The following SBNO1 variants were observed in gnomAD, a reference collection of about 807,000 sequenced individuals.
The protein encoded by SBNO1 is protein strawberry notch homolog 1.
SBNO1 carries 23 observed loss-of-function variants against 173.6 expected under a neutral mutation model. That is an observed-to-expected ratio of 0.13 (90% confidence interval 0.10 to 0.19). The LOEUF (loss-of-function observed/expected upper bound fraction) is 0.19. Among genes scored for constraint, SBNO1 ranks in the 10% least tolerant of loss-of-function variants. The pLI is 1.00. For synonymous variants in SBNO1, 632 were observed against 571.5 expected (o/e 1.11, Z -1.51); for missense variants, 1,238 against 1,671.2 (o/e 0.74, Z 4.52).
chr12:123,364,022 A>T, intron 1 of SBNO1: 1 of 985,446 alleles, frequency 1.0e-6, no homozygotes, highest in Non-Finnish European at 1.2e-6. Flanking sequence ...GCAAATCCCC[A>T]ACTGCCGTTC....
In SBNO1 at chr12:123,295,802, C is replaced by A. The variant is rs914980459; in HGVS notation, c.*106G>T. 23 of 1,464,012 alleles carry A rather than the reference C, an allele frequency of 1.6e-5. No individual in the cohort carries two copies. The highest frequency in any genetic ancestry group is 1.8e-5 in the Non-Finnish European group (20 of 1,086,612). 90.7% of individuals were successfully genotyped at this position (1,464,012 alleles called of 1,614,324 possible). ...TCCCAAAAAAACTAACTAGAGAGCACAACTGAAAAAAATATATAATTCTTT... is the reference window on the plus strand; with the variant it reads ...TCCCAAAAAAACTAACTAGAGAGCAAAACTGAAAAAAATATATAATTCTTT... On this transcript the variant is annotated 3_prime_UTR_variant, in exon 32 of 32. Transcript: ENST00000602398.
At chr12:123,350,908 G>A (rs569123388) in intron 1 of SBNO1, among the ~76,000 whole-genome samples, 18 of 152,278 alleles carry the variant, frequency 1.2e-4, no homozygotes, top group East Asian at 1.2e-3. Context: ...GATCACCTAA[G>A]TTCAGAAGTT....
At chr12:123,314,906 ATTTTT>A (rs760653627) in intron 23 of SBNO1, among the ~76,000 whole-genome samples, 1 of 129,342 alleles carries the variant, frequency 7.7e-6, no homozygotes, top group African/African-American at 2.9e-5. Flanking sequence ...TAATTTTTGT[ATTTTT>A]TTTTTTTTTT....
chr12:123,333,678 C>T (rs1039586368), intron 7 of SBNO1, among the ~76,000 whole-genome samples: 1 of 151,660 alleles, frequency 6.6e-6, no homozygotes, highest in Non-Finnish European at 1.5e-5. Context: ...TTGTATTTTT[C>T]GTAGACATGA....
chr12:123,330,931 G>T (rs1174964826), intron 8 of SBNO1, among the ~76,000 whole-genome samples: 1 of 152,054 alleles, frequency 6.6e-6, no homozygotes, highest in African/African-American at 2.4e-5. Context: ...GATGGGGAAG[G>T]CGGATCCCAT....
In SBNO1 at chr12:123,364,370, C is replaced by T. The variant is rs1023906716; in HGVS notation, c.-1+331G>A. ...AAAGGGGCGAACCCAGCGGAGCCGG[C>T]GTGCACAGACCCTGCCCCGCGGTCC... is the stretch of plus-strand genomic sequence containing the variant. On this transcript the variant is annotated intron_variant, in intron 1 of 31. Coordinates refer to ENST00000602398, the MANE Select transcript of SBNO1 (RefSeq NM_001167856.3). 1.1e-5 allele frequency: 11 copies of T among 985,180 alleles called. No individual in the cohort carries two copies. In the African/African-American group the frequency reaches 1.9e-4, roughly 17 times the overall value. 61.0% of individuals were successfully genotyped at this position (985,180 alleles called of 1,614,324 possible). A position where few individuals can be genotyped will look rare whatever the true frequency, so the allele number is the denominator to read the frequency against.
chr12:123,303,491 C>G (rs974259088), intron 29 of SBNO1, among the ~76,000 whole-genome samples: 1 of 150,948 alleles, frequency 6.6e-6, no homozygotes, highest in East Asian at 1.9e-4. Flanking sequence ...ACTAAACATA[C>G]AAAAAAAAAC....
In SBNO1 at chr12:123,295,939, G is replaced by A. The variant is rs1435623163; in HGVS notation, c.4151C>T (p.Pro1384Leu). ...QQKQLWQQHHPQSITNLSNA is the reference protein window; with the variant it reads ...QQKQLWQQHHLQSITNLSNA Reference sequence around the variant, plus strand: ...GTTGCTCAAGTTGGTGATGCTCTGAGGGTGATGCTGTTGCCATAGCTGTTT... The same window carrying A: ...GTTGCTCAAGTTGGTGATGCTCTGAAGGTGATGCTGTTGCCATAGCTGTTT... The change falls in exon 32 of 32, where the codon CCT becomes CTT. Residue 1384 changes from proline to leucine, a missense_variant. Physicochemically the swap from Pro to Leu is moderately conservative, Grantham distance 98 (BLOSUM62 -3). Transcript: ENST00000602398. 1.9e-6 allele frequency: 3 copies of A among 1,612,054 alleles called. No homozygotes were observed. The highest frequency in any genetic ancestry group is 2.5e-6 in the Non-Finnish European group (3 of 1,178,272).
chr12:123,304,764 C>T, intron 28 of SBNO1, 45 bp from the exon 29 acceptor site: 2 of 1,233,664 alleles, frequency 1.6e-6, no homozygotes, highest in Non-Finnish European at 1.2e-6. Flanking sequence ...ATAATACACA[C>T]TTTAAGACAT....
chr12:123,360,788 C>T (rs929457934), intron 1 of SBNO1, among the ~76,000 whole-genome samples: 1 of 152,092 alleles, frequency 6.6e-6, no homozygotes, highest in African/African-American at 2.4e-5. Context: ...TGCATGCTGC[C>T]CCTTTTTCAA....
intron 19 of SBNO1, 26 bp downstream of exon 19, chr12:123,320,406 T>G: frequency 6.3e-7 from 1 of 1,584,044 alleles, no homozygotes; most frequent in South Asian, 1.2e-5. Flanking sequence ...GGCAAAAATG[T>G]CACCAAGAGA....
At chr12:123,349,098 G>C (rs1365806131) in intron 2 of SBNO1, 3 of 150,630 alleles carry the variant, frequency 2.0e-5, no homozygotes, top group Non-Finnish European at 2.9e-5. Flanking sequence ...ACTCGGACCA[G>C]TCTATTTTTT....
chr12:123,296,771 G>C (rs2048611568), intron 31 of SBNO1, among the ~76,000 whole-genome samples: 1 of 151,924 alleles, frequency 6.6e-6, no homozygotes, highest in African/African-American at 2.4e-5. Context: ...ATGTTGGCCA[G>C]GATGATCTCG....
intron 19 of SBNO1, 112 bp downstream of exon 19, chr12:123,320,320 G>C: frequency 9.2e-7 from 1 of 1,087,198 alleles, no homozygotes; most frequent in Non-Finnish European, 1.3e-6. Context: ...AGTAGAACAA[G>C]AATTCTATGA....
chr12:123,326,266 C>A lies in SBNO1; in HGVS notation c.1761G>T (p.Lys587Asn). Residue 587 changes from lysine to asparagine, a missense_variant, in exon 14 of 32, where the codon AAG becomes AAT. This residue lies in a region of SBNO1 where 182 missense variants were observed against 339.9 expected (regional missense o/e 0.54). Transcript: ENST00000602398. The stretch of plus-strand genomic sequence containing the variant: ...CAGACCAGAACTGACCCCACATGGA[C>A]TTCTTCATTCGTTGCTCAGCATCAA... ...DLIDAEQRMK[K>N]SMWGQFWSAH... 2 of 1,613,164 alleles carry A rather than the reference C, an allele frequency of 1.2e-6. No individual in the cohort carries two copies. The highest frequency in any genetic ancestry group is 1.7e-6 in the Non-Finnish European group (2 of 1,179,346).
Position 123,309,303 on chromosome 12 carries a change from G to A in SBNO1, c.3630+7C>T, listed in dbSNP as rs1335561183. On this transcript the variant is annotated splice_region_variant and intron_variant, in intron 28 of 31. Coordinates refer to ENST00000602398, the MANE Select transcript of SBNO1 (RefSeq NM_001167856.3). ...TATCTGAATAGAATTTAAAGGAAAA[G>A]TCGTACTTGCAATGACAAGTAAAAG... 7.5e-6 allele frequency: 12 copies of A among 1,603,404 alleles called. No individual in the cohort carries two copies. Among genetic ancestry groups the A allele is most frequent in the Non-Finnish European group, 1.0e-5 (12 of 1,170,272 alleles).
chr12:123,346,648 A>T (rs1433313625), intron 3 of SBNO1, among the ~76,000 whole-genome samples: 1 of 152,178 alleles, frequency 6.6e-6, no homozygotes, highest in African/African-American at 2.4e-5. Context: ...TGGGCGACAG[A>T]GCGAGACTCC....
chr12:123,289,622 T>C lies in SBNO1; in HGVS notation c.*6286A>G, dbSNP rs1381466492. The C allele has an allele frequency of 6.6e-6, 1 of 152,220 alleles. No homozygotes were observed. Among genetic ancestry groups the C allele is most frequent in the Non-Finnish European group, 1.5e-5 (1 of 68,048 alleles). The allele number at this position is 152,220 out of a possible 1,614,324, so 9.4% of individuals were successfully genotyped here. A position where few individuals can be genotyped will look rare whatever the true frequency, so the allele number is the denominator to read the frequency against. On this transcript the variant is annotated 3_prime_UTR_variant, in exon 32 of 32. Transcript: ENST00000602398. Reference sequence around the variant, plus strand: ...TCCTTTGCTCAGAGGAGGTAGAACCTGGCCAAAGTTTTATTGCAGAGATAC... The same window carrying C: ...TCCTTTGCTCAGAGGAGGTAGAACCCGGCCAAAGTTTTATTGCAGAGATAC...
chr12:123,295,775 A>T lies in SBNO1; in HGVS notation c.*133T>A. ...TGCTATCTATTCCAGGTTTGTCCTT[A>T]CTCCCAAAAAAACTAACTAGAGAGC... On this transcript the variant is annotated 3_prime_UTR_variant, in exon 32 of 32. Transcript: ENST00000602398. The T allele has an allele frequency of 8.4e-7, 1 of 1,185,862 alleles. No individual in the cohort carries two copies. Among genetic ancestry groups the T allele is most frequent in the Non-Finnish European group, 1.2e-6 (1 of 838,388 alleles). The allele number at this position is 1,185,862 out of a possible 1,614,324, so 73.5% of individuals were successfully genotyped here.
Sources: gnomAD v4.1 joint callset for allele counts (sites outside exome capture counted in the v4.1 genomes callset) on GRCh38, gnomAD v4.1.1 for gene constraint, gnomAD v4.1.1 regional missense constraint, MANE v1.5 for transcripts, NCBI Gene and HGNC (gene_info 2026-07-23, HGNC 2026-07-21) for gene names.